The following TXLNA variants were observed in gnomAD, a reference collection of about 807,000 sequenced individuals.
The protein encoded by TXLNA is taxilin alpha.
Under a neutral mutation model 61.4 loss-of-function variants are expected in TXLNA, and 9 were observed. The observed-to-expected ratio is 0.15, with a 90% CI of 0.09 to 0.26. The LOEUF (loss-of-function observed/expected upper bound fraction) is 0.26, where lower values mean the gene tolerates loss of function less well. TXLNA is among the 10% of genes least tolerant of loss of function. The probability of loss-of-function intolerance (pLI) is 1.00; values close to 1 mark genes in which losing one functional copy is unlikely to be tolerated. For synonymous variants in TXLNA, 257 were observed against 267.7 expected, an observed-to-expected ratio of 0.96 and a Z score of 0.39; for missense variants, 565 against 688.8, an observed-to-expected ratio of 0.82 and a Z score of 2.01.
In TXLNA at chr1:32,179,785, A is replaced by T. The variant is rs1557495903; in HGVS notation, c.-33+9A>T. On this transcript the variant is annotated intron_variant, in intron 1 of 10. Transcript: ENST00000373610. ...CGGACGTCGGCGGTGAGGTACGTGC[A>T]GCGGCGGCCGGTGGGCGAGACTATT... is the stretch of plus-strand genomic sequence containing the variant. 6.6e-6 allele frequency: 1 copy of T among 152,468 alleles called. No individual in the cohort carries two copies. Among genetic ancestry groups the T allele is most frequent in the Non-Finnish European group, 1.5e-5 (1 of 68,248 alleles). 9.4% of individuals were successfully genotyped at this position (152,468 alleles called of 1,614,324 possible).
intron 5 of TXLNA, 30 bp downstream of exon 5, chr1:32,188,154 T>C: frequency 6.6e-7 from 1 of 1,517,564 alleles, no homozygotes; most frequent in Non-Finnish European, 8.9e-7. Flanking sequence ...AACAGGTGAC[T>C]CTGGTTTCCT....
chr1:32,185,662 A>T (rs1208032409), intron 4 of TXLNA, among the ~76,000 whole-genome samples: 1 of 146,322 alleles, frequency 6.8e-6, no homozygotes, highest in African/African-American at 2.6e-5. Context: ...GGCCTCCCAA[A>T]GTGCTGGGAT....
At position 32,180,263 on chromosome 1, in the gene TXLNA, C is replaced by T. The variant is rs115150402; in HGVS notation, c.-32-51C>T. 1,615 of 1,476,558 alleles carry T rather than the reference C, an allele frequency of 1.1e-3. 19 individuals carry two copies. In the African/African-American group the frequency reaches 0.021, roughly 19 times the overall value. The allele number at this position is 1,476,558 out of a possible 1,614,324, so 91.5% of individuals were successfully genotyped here. On this transcript the variant is annotated intron_variant, in intron 1 of 10. Coordinates refer to ENST00000373610, the MANE Select transcript of TXLNA (RefSeq NM_175852.4). ...CTGCTGTGGGGATTTCTGATCCAGG[C>T]TGCGAAGAATTTCGAAGTCTGGAAA...
chr1:32,184,642 T>A (rs1310552547), intron 4 of TXLNA, 26 bp downstream of exon 4: 2 of 1,544,214 alleles, frequency 1.3e-6, no homozygotes, highest in African/African-American at 1.4e-5. Context: ...CGCGGGCACC[T>A]TCCCTGCGTT....
intron 9 of TXLNA, 37 bp from the exon 10 acceptor site, chr1:32,194,028 G>C: frequency 6.4e-6 from 10 of 1,571,946 alleles, no homozygotes; most frequent in Non-Finnish European, 8.7e-6. Flanking sequence ...GGAGAGGCCA[G>C]CTCTGACCAT....
In TXLNA at chr1:32,195,560, C is replaced by G; in HGVS notation, c.*365C>G. ...GCATTTCTCTGTCTGATTTGAGGCT[C>G]AGACCCCTCCCTGCCCTTCAGAGCT... is the stretch of plus-strand genomic sequence containing the variant. On this transcript the variant is annotated 3_prime_UTR_variant, in exon 11 of 11. Coordinates refer to ENST00000373610, the MANE Select transcript of TXLNA (RefSeq NM_175852.4). 2.5e-6 allele frequency: 1 copy of G among 408,056 alleles called. No homozygotes were observed. The highest frequency in any genetic ancestry group is 3.6e-5 in the Admixed American group (1 of 27,488). 25.3% of individuals were successfully genotyped at this position (408,056 alleles called of 1,614,324 possible).
At chr1:32,193,105 A>G in intron 8 of TXLNA, 103 bp from the exon 9 acceptor site, 8 of 774,368 alleles carry the variant, frequency 1.0e-5, no homozygotes, top group Non-Finnish European at 1.8e-5. Context: ...ATAGTATCTC[A>G]ATAGAATTAC....
chr1:32,186,020 A>G (rs1166765965), intron 4 of TXLNA, among the ~76,000 whole-genome samples: 1 of 152,230 alleles, frequency 6.6e-6, no homozygotes, highest in Non-Finnish European at 1.5e-5. Flanking sequence ...TTTTAAAATT[A>G]ATTCATTCCA....
chr1:32,190,197 A>T lies in TXLNA; in HGVS notation c.911A>T (p.Glu304Val). The change falls in exon 6 of 11, where the codon GAG (glutamate) becomes GTG (valine). Residue 304 changes from glutamate (E) to valine (V), a missense_variant. Around this residue, in one of 2 missense-constraint regions of TXLNA, gnomAD observed 373 missense variants for 504.0 expected, o/e 0.74. Transcript: ENST00000373610. ...RNSKLRQENM[E>V]LAERLKKLIE... is the part of the protein sequence containing the mutation. ...TCCAAGCTGCGCCAAGAGAACATGG[A>T]GCTGGCTGAGAGGCTCAAGAAGCTG... is the stretch of plus-strand genomic sequence containing the variant. 1.2e-6 allele frequency: 2 copies of T among 1,605,532 alleles called. No individual in the cohort carries two copies. The highest frequency in any genetic ancestry group is 1.1e-5 in the South Asian group (1 of 89,246).
chr1:32,189,553 T>G (rs191933389), intron 5 of TXLNA, among the ~76,000 whole-genome samples: 5,586 of 151,718 alleles, frequency 0.037, 154 homozygotes, highest in African/African-American at 0.077. Context: ...TTTTTTTTTT[T>G]TGGGGACGGA....
rs1642995346 is a variant in TXLNA at position 32,195,313 on chromosome 1, C to T, written c.*118C>T. 2 of 1,244,782 alleles carry T rather than the reference C, an allele frequency of 1.6e-6. No homozygotes were observed. The highest frequency in any genetic ancestry group is 1.6e-5 in the South Asian group (1 of 63,346). The allele number at this position is 1,244,782 out of a possible 1,614,324, so 77.1% of individuals were successfully genotyped here. The stretch of plus-strand genomic sequence containing the variant: ...AGCCAGGATGTTCTGACCTGGCTGG[C>T]ATCTGGCACTTGCAATTTTGGATTT... On this transcript the variant is annotated 3_prime_UTR_variant, in exon 11 of 11. Coordinates refer to ENST00000373610, the MANE Select transcript of TXLNA (RefSeq NM_175852.4).
At position 32,187,041 on chromosome 1, in the gene TXLNA, G is replaced by A. The variant is rs577064218; in HGVS notation, c.598-913G>A. On this transcript the variant is annotated intron_variant, in intron 4 of 10. Coordinates refer to ENST00000373610, the MANE Select transcript of TXLNA (RefSeq NM_175852.4). Reference sequence around the variant, plus strand: ...AGCCTCCTGAGTAACTGAGATTACAGGCGCATGCCACCAAACTGGCTACTT... The same window carrying A: ...AGCCTCCTGAGTAACTGAGATTACAAGCGCATGCCACCAAACTGGCTACTT... 2.0e-5 allele frequency among the ~76,000 whole-genome samples: 3 copies of A among 152,274 alleles called. No individual in the cohort carries two copies. The South Asian group carries it at 6.2e-4, about 32-fold the overall frequency.
intron 3 of TXLNA, among the ~76,000 whole-genome samples, chr1:32,182,487 TC>T (rs747245052): frequency 1.5e-4 from 23 of 149,616 alleles, no homozygotes; most frequent in Non-Finnish European, 3.3e-4. Flanking sequence ...CATGATGAAA[TC>T]CCGTCTCTAC....
chr1:32,192,316 C>A lies in TXLNA; in HGVS notation c.969C>A (p.Ile323=). The A allele has an allele frequency of 1.9e-6, 3 of 1,613,926 alleles. No homozygotes were observed. Among genetic ancestry groups the A allele is most frequent in the South Asian group, 2.2e-5 (2 of 91,048 alleles). The change falls in exon 7 of 11, where the codon ATC becomes ATA. Residue 323 remains isoleucine (I), a synonymous_variant. Transcript: ENST00000373610. This position sits in a 1 kb window ranked among gnomAD's most constrained non-coding sequence, Gnocchi z 4.2. ...IEQYELREEH[I]DKVFKHKDLQ... ...TCCCACCATCTTTGTTGCAGCATAT[C>A]GACAAAGTCTTCAAACACAAGGACC...
intron 9 of TXLNA, among the ~76,000 whole-genome samples, 174 bp from the exon 10 acceptor site, chr1:32,193,891 C>G (rs1389294033): frequency 6.6e-6 from 1 of 152,134 alleles, no homozygotes; most frequent in African/African-American, 2.4e-5. Context: ...GTGGACACCT[C>G]TGACTTCCTG....
intron 9 of TXLNA, 71 bp from the exon 10 acceptor site, chr1:32,193,994 C>T: frequency 7.7e-7 from 1 of 1,292,214 alleles, no homozygotes; most frequent in East Asian, 2.5e-5. Flanking sequence ...CAGGTGCAGT[C>T]CCCACCTTGG....
At position 32,181,443 on chromosome 1, in the gene TXLNA, A is replaced by T; in HGVS notation, c.371A>T (p.Glu124Val). The change falls in exon 3 of 11, where the codon GAA becomes GTA. Residue 124 changes from glutamate (E) to valine (V), a missense_variant. This residue lies in a region of TXLNA where 192 missense variants were observed against 184.8 expected (regional missense o/e 1.04). Coordinates refer to ENST00000373610, the MANE Select transcript of TXLNA (RefSeq NM_175852.4). ...TATGTGGCAAGGAATGGGGAGCCTGAACCAACTCCAGTAGTCAATGGAGAG... is the reference window on the plus strand; with the variant it reads ...TATGTGGCAAGGAATGGGGAGCCTGTACCAACTCCAGTAGTCAATGGAGAG... ...RTYVARNGEP[E>V]PTPVVNGEKE... is the part of the protein sequence containing the mutation. 1 of 1,614,182 alleles carries T rather than the reference A, an allele frequency of 6.2e-7. No individual in the cohort carries two copies. The highest frequency in any genetic ancestry group is 8.5e-7 in the Non-Finnish European group (1 of 1,180,024).
In TXLNA at chr1:32,181,263, A is replaced by G; in HGVS notation, c.191A>G (p.Gln64Arg). The G allele has an allele frequency of 1.3e-6, 2 of 1,597,340 alleles. No individual in the cohort carries two copies. The highest frequency in any genetic ancestry group is 1.7e-6 in the Non-Finnish European group (2 of 1,167,880). ...GTAGGGGCTCAAGCCAGAACGGCTC[A>G]GTCTGGGGCCCTTCGTGATGTCTCT... ...KPEGAQARTA[Q>R]SGALRDVSEE... Residue 64 changes from glutamine (Q) to arginine (R), a missense_variant, in exon 3 of 11, where the codon CAG becomes CGG. Gln to Arg is a conservative substitution (Grantham distance 43). This residue lies in a region of TXLNA where 192 missense variants were observed against 184.8 expected (regional missense o/e 1.04). Coordinates refer to ENST00000373610, the MANE Select transcript of TXLNA (RefSeq NM_175852.4).
chr1:32,186,667 A>G (rs1462352710), intron 4 of TXLNA, among the ~76,000 whole-genome samples: 3 of 152,180 alleles, frequency 2.0e-5, no homozygotes, highest in Admixed American at 2.0e-4. Flanking sequence ...GAGGTCCTAT[A>G]GGGTAAGAGA....
Sources: gnomAD v4.1 joint callset for allele counts (sites outside exome capture counted in the v4.1 genomes callset) on GRCh38, gnomAD v4.1.1 for gene constraint, gnomAD v4.1.1 regional missense constraint, Gnocchi (gnomAD v3.1) non-coding constraint, MANE v1.5 for transcripts, NCBI Gene and HGNC (gene_info 2026-07-23, HGNC 2026-07-21) for gene names.